The following CAMKMT variants were observed in gnomAD, a reference collection of about 807,000 sequenced individuals.
CAMKMT encodes the protein calmodulin-lysine N-methyltransferase, also known as CaM KMT.
In CAMKMT, 53 loss-of-function variants were observed where a neutral mutation model predicts 48.0. The observed-to-expected ratio is 1.10, with a 90% CI of 0.89 to 1.39. The LOEUF (loss-of-function observed/expected upper bound fraction) is 1.39, where lower values mean the gene tolerates loss of function less well. CAMKMT is among the 40% of genes most tolerant of loss of function. The pLI is 0.00. For missense variants in CAMKMT, 428 were observed against 402.7 expected, an observed-to-expected ratio of 1.06 and a Z score of -0.54; for synonymous variants, 165 against 152.3, an observed-to-expected ratio of 1.08 and a Z score of -0.61.
intron 3 of CAMKMT, among the ~76,000 whole-genome samples, chr2:44,655,207 A>G (rs1216532947): frequency 6.6e-6 from 1 of 152,186 alleles, no homozygotes; most frequent in Non-Finnish European, 1.5e-5. Flanking sequence ...TTGGCTCTTC[A>G]TGGCAATAAT....
At chr2:44,402,069 A>G (rs542672062) in intron 3 of CAMKMT, among the ~76,000 whole-genome samples, 90 of 152,198 alleles carry the variant, frequency 5.9e-4, no homozygotes, top group African/African-American at 1.2e-3. Context: ...GCTCACGCCT[A>G]TAGTCCCAGG....
chr2:44,503,973 A>G (rs1409585326), intron 3 of CAMKMT, among the ~76,000 whole-genome samples: 3 of 112,076 alleles, frequency 2.7e-5, no homozygotes, highest in African/African-American at 3.7e-5. Flanking sequence ...AGAGAGGGGA[A>G]GAGCGGGTGG....
intron 3 of CAMKMT, among the ~76,000 whole-genome samples, chr2:44,672,014 C>T (rs1675359351): frequency 6.6e-6 from 1 of 152,048 alleles, no homozygotes; most frequent in South Asian, 2.1e-4. Context: ...AAAATCATGC[C>T]AAAATTGCTA....
intron 3 of CAMKMT, among the ~76,000 whole-genome samples, chr2:44,417,428 G>C (rs1173945714): frequency 3.3e-5 from 5 of 152,022 alleles, no homozygotes. Context: ...AAATAAATAT[G>C]CCCACAATTC....
chr2:44,389,970 A>G (rs954443817), intron 2 of CAMKMT, among the ~76,000 whole-genome samples: 1 of 152,226 alleles, frequency 6.6e-6, no homozygotes, highest in Non-Finnish European at 1.5e-5. Flanking sequence ...TTCCCTTTAC[A>G]TAATGAAAAC....
chr2:44,385,260 G>C (rs1680674420), intron 2 of CAMKMT, among the ~76,000 whole-genome samples: 1 of 151,924 alleles, frequency 6.6e-6, no homozygotes, highest in African/African-American at 2.4e-5. Context: ...AAAGGGTTGA[G>C]TTCTTGATTT....
chr2:44,616,116 C>T (rs1671874086), intron 3 of CAMKMT, among the ~76,000 whole-genome samples: 1 of 152,186 alleles, frequency 6.6e-6, no homozygotes, highest in South Asian at 2.1e-4. Context: ...TGAAATCTGA[C>T]TGTCACTCTG....
intron 3 of CAMKMT, chr2:44,456,478 G>A (rs1667569219): frequency 3.4e-6 from 5 of 1,468,216 alleles, no homozygotes; most frequent in Middle Eastern, 1.8e-4. Flanking sequence ...GTACATTCTT[G>A]TGAAAGAAGA....
At chr2:44,508,009 G>A (rs1360219809) in intron 3 of CAMKMT, among the ~76,000 whole-genome samples, 3 of 152,278 alleles carry the variant, frequency 2.0e-5, no homozygotes, top group Admixed American at 6.5e-5. Flanking sequence ...TTATGCATGT[G>A]TTTAAATGTT....
At chr2:44,390,836 C>A (rs1681270469) in intron 3 of CAMKMT, among the ~76,000 whole-genome samples, 1 of 152,074 alleles carries the variant, frequency 6.6e-6, no homozygotes, top group African/African-American at 2.4e-5. Context: ...TTCATCAAAG[C>A]TTCTGATTAA....
chr2:44,617,676 T>C (rs1362169662), intron 3 of CAMKMT, among the ~76,000 whole-genome samples: 4 of 152,246 alleles, frequency 2.6e-5, no homozygotes. Flanking sequence ...CCTGGAGTTC[T>C]ACCTGGTCAC....
At chr2:44,524,892 G>C (rs947260606) in intron 3 of CAMKMT, among the ~76,000 whole-genome samples, 7 of 151,402 alleles carry the variant, frequency 4.6e-5, no homozygotes, top group African/African-American at 1.7e-4. Flanking sequence ...CTATGCAATA[G>C]ATATTATGCC....
chr2:44,470,374 C>T (rs891137518), intron 3 of CAMKMT, among the ~76,000 whole-genome samples: 2 of 152,172 alleles, frequency 1.3e-5, no homozygotes, highest in Non-Finnish European at 2.9e-5. Flanking sequence ...CAGCTTCAGA[C>T]CCTTTGTACT....
At chr2:44,684,873 C>T (rs1181825177) in intron 3 of CAMKMT, among the ~76,000 whole-genome samples, 3 of 152,060 alleles carry the variant, frequency 2.0e-5, no homozygotes, top group African/African-American at 7.2e-5. Context: ...TAGAAACTTA[C>T]CCACACAAGA....
chr2:44,622,927 G>A (rs964990074), intron 3 of CAMKMT, among the ~76,000 whole-genome samples: 1 of 152,158 alleles, frequency 6.6e-6, no homozygotes, highest in Non-Finnish European at 1.5e-5. Flanking sequence ...TGTCCATGAT[G>A]GTTGAACTGA....
rs372334514 is a variant in CAMKMT, at chr2:44,739,764, C to T, written c.624-3858C>T. ...GAGAGGAGAGGAATTGGCAACAGAGCGTCAAACAATTTTCTCAAAGAGTTT... is the reference window on the plus strand; with the variant it reads ...GAGAGGAGAGGAATTGGCAACAGAGTGTCAAACAATTTTCTCAAAGAGTTT... On this transcript the variant is annotated intron_variant, in intron 7 of 10. Coordinates refer to ENST00000378494, the MANE Select transcript of CAMKMT (RefSeq NM_024766.5). Among the ~76,000 whole-genome samples the T allele has an allele frequency of 1.9e-4, 29 of 152,094 alleles. No individual in the cohort carries two copies. In the East Asian group the frequency reaches 3.3e-3, roughly 17 times the overall value.
Position 44,422,911 on chromosome 2 carries a change from A to G in CAMKMT, c.376+32606A>G, listed in dbSNP as rs375483339. On this transcript the variant is annotated intron_variant, in intron 3 of 10. Transcript: ENST00000378494. The stretch of plus-strand genomic sequence containing the variant: ...GTTATCAGCTCATGGCTTTATTTTT[A>G]TCACTGTAAGGTGAGCTCCTTGTTC... 1.2e-4 allele frequency among the ~76,000 whole-genome samples: 18 copies of G among 152,238 alleles called. No individual in the cohort carries two copies. In the South Asian group the frequency reaches 3.7e-3, roughly 32 times the overall value.
At chr2:44,403,322 T>G (rs1682557809) in intron 3 of CAMKMT, among the ~76,000 whole-genome samples, 1 of 152,146 alleles carries the variant, frequency 6.6e-6, no homozygotes, top group South Asian at 2.1e-4. Context: ...TTACCTTCCT[T>G]ACCACCACCC....
intron 3 of CAMKMT, among the ~76,000 whole-genome samples, chr2:44,675,388 C>T (rs1675625843): frequency 6.6e-6 from 1 of 152,178 alleles, no homozygotes. Context: ...TTTGGTAGAA[C>T]TATTAAAGGG....
Sources: gnomAD v4.1 joint callset for allele counts (sites outside exome capture counted in the v4.1 genomes callset) on GRCh38, gnomAD v4.1.1 for gene constraint, MANE v1.5 for transcripts, NCBI Gene and HGNC (gene_info 2026-07-23, HGNC 2026-07-21) for gene names.